The following KIAA1671 variants were observed in gnomAD, a reference collection of about 807,000 sequenced individuals.
KIAA1671 encodes KIAA1671.
A neutral mutation model predicts 131.2 loss-of-function variants in KIAA1671; 52 were observed. The observed-to-expected ratio is 0.40, with a 90% CI of 0.32 to 0.50. KIAA1671 has a LOEUF of 0.50. KIAA1671 is among the 20% of genes least tolerant of loss of function. The pLI, the probability that KIAA1671 is intolerant of heterozygous loss-of-function variation, is 0.73. For missense variants in KIAA1671, 2,360 were observed against 2,364.2 expected (o/e 1.00, Z 0.04); for synonymous variants, 1,003 against 961.6 (o/e 1.04, Z -0.80).
At chr22:25,030,880 G>A (rs1926250465) in intron 3 of KIAA1671, among the ~76,000 whole-genome samples, 1 of 152,192 alleles carries the variant, frequency 6.6e-6, no homozygotes, top group East Asian at 1.9e-4. Flanking sequence ...TCCCGGCCCT[G>A]GGAACCAGGA....
rs373071603 is a variant in KIAA1671 at position 25,015,833 on chromosome 22, G to A, written c.-207-9800G>A. On this transcript the variant is annotated intron_variant, in intron 1 of 12. Coordinates refer to ENST00000358431, the MANE Select transcript of KIAA1671 (RefSeq NM_001145206.2). Reference sequence around the variant, plus strand: ...CAGAGTCAGAAACACCAGATGTACCGCACTCTGATGGAATTTACACAGGAG... The same window carrying A: ...CAGAGTCAGAAACACCAGATGTACCACACTCTGATGGAATTTACACAGGAG... Among the ~76,000 whole-genome samples the A allele has an allele frequency of 1.5e-4, 18 of 121,968 alleles. No individual in the cohort carries two copies. In the South Asian group the frequency reaches 2.8e-3, roughly 19 times the overall value. The allele number at this position is 121,968 out of a possible 152,430, so 80.0% of individuals were successfully genotyped here. A position where few individuals can be genotyped will look rare whatever the true frequency, so the allele number is the denominator to read the frequency against.
chr22:25,021,656 T>C (rs1925675125), intron 1 of KIAA1671, among the ~76,000 whole-genome samples: 1 of 152,256 alleles, frequency 6.6e-6, no homozygotes, highest in African/African-American at 2.4e-5. Context: ...AGGATACAGA[T>C]GAGAGGATGC....
intron 6 of KIAA1671, among the ~76,000 whole-genome samples, chr22:25,095,257 T>C (rs76248603): frequency 0.018 from 2,683 of 152,298 alleles, 32 homozygotes; most frequent in Middle Eastern, 0.051. Flanking sequence ...GTGGTTCTTA[T>C]GAAAGGCAGG....
chr22:25,088,214 C>A (rs905080771), intron 6 of KIAA1671, among the ~76,000 whole-genome samples: 1 of 151,726 alleles, frequency 6.6e-6, no homozygotes, highest in African/African-American at 2.4e-5. Flanking sequence ...TTCAAGCGAT[C>A]CTCGTGCCTC....
chr22:25,062,639 C>T (rs767930340), intron 6 of KIAA1671: 7 of 152,504 alleles, frequency 4.6e-5, no homozygotes, highest in African/African-American at 9.7e-5. Context: ...GGACTTCAGG[C>T]TTTTCGACTG....
chr22:25,010,781 T>C (rs946893408), intron 1 of KIAA1671: 1 of 152,212 alleles, frequency 6.6e-6, no homozygotes, highest in Non-Finnish European at 1.5e-5. Flanking sequence ...ATGGGTATAT[T>C]TTATTATTTT....
chr22:25,055,532 G>A lies in KIAA1671; in HGVS notation c.4530+6168G>A, dbSNP rs1169535296. The A allele has an allele frequency of 1.7e-4, 26 of 149,684 alleles. 1 individual carries two copies. The highest frequency in any genetic ancestry group is 5.8e-4 in the African/African-American group (24 of 41,094). The allele number at this position is 149,684 out of a possible 1,614,324, so 9.3% of individuals were successfully genotyped here. A position where few individuals can be genotyped will look rare whatever the true frequency, so the allele number is the denominator to read the frequency against. On this transcript the variant is annotated intron_variant, in intron 6 of 12. Coordinates refer to ENST00000358431, the MANE Select transcript of KIAA1671 (RefSeq NM_001145206.2). Reference sequence around the variant, plus strand: ...AGGCCAGGAGTTCCAGACCAGCCTGGGCTGAACATAGTGAGACCCCTGTCT... The same window carrying A: ...AGGCCAGGAGTTCCAGACCAGCCTGAGCTGAACATAGTGAGACCCCTGTCT...
intron 1 of KIAA1671, among the ~76,000 whole-genome samples, chr22:24,976,912 G>C (rs988859845): frequency 6.7e-6 from 1 of 149,914 alleles, no homozygotes; most frequent in Non-Finnish European, 1.5e-5. Flanking sequence ...GGGGAGGATA[G>C]AGCAAAGCAG....
intron 10 of KIAA1671, among the ~76,000 whole-genome samples, chr22:25,183,308 C>T (rs1237306852): frequency 6.6e-6 from 1 of 152,112 alleles, no homozygotes; most frequent in East Asian, 1.9e-4. Flanking sequence ...ATTTCTTCCA[C>T]GAATAGAAAA....
intron 6 of KIAA1671, among the ~76,000 whole-genome samples, chr22:25,108,659 A>T (rs1347915635): frequency 6.6e-6 from 1 of 152,168 alleles, no homozygotes; most frequent in Admixed American, 6.5e-5. Context: ...ACTTCTGGAT[A>T]TATCAATGTA....
At chr22:25,117,930 G>A (rs1931759590) in intron 6 of KIAA1671, among the ~76,000 whole-genome samples, 1 of 151,894 alleles carries the variant, frequency 6.6e-6, no homozygotes, top group Non-Finnish European at 1.5e-5. Flanking sequence ...CCTGAGATCG[G>A]GAGTTCAAGA....
chr22:25,070,182 T>C (rs764328942), intron 6 of KIAA1671: 3 of 390,478 alleles, frequency 7.7e-6, no homozygotes, highest in Non-Finnish European at 1.4e-5. Flanking sequence ...GGCTTCTCAG[T>C]TCCCCAGGCA....
In KIAA1671 at chr22:25,039,673, C is replaced by T. The variant is rs899530836; in HGVS notation, c.2543C>T (p.Ser848Phe). 6.5e-7 allele frequency: 1 copy of T among 1,528,466 alleles called. No homozygotes were observed. The highest frequency in any genetic ancestry group is 8.8e-7 in the Non-Finnish European group (1 of 1,132,424). The allele number at this position is 1,528,466 out of a possible 1,614,324, so 94.7% of individuals were successfully genotyped here. A position where few individuals can be genotyped will look rare whatever the true frequency, so the allele number is the denominator to read the frequency against. The change falls in exon 5 of 13, where the codon TCC becomes TTC. Residue 848 changes from serine to phenylalanine, a missense_variant. Physicochemically the swap from Ser to Phe is radical, Grantham distance 155. Around this residue, in one of 3 missense-constraint regions of KIAA1671, gnomAD observed 1,185 missense variants for 1,126.2 expected, o/e 1.05. Transcript: ENST00000358431. Reference sequence around the variant, plus strand: ...GAGCACTGTGCTCCCGGGGCCACCTCCGTCAGGGCTATCAAGGCTGCCATC... The same window carrying T: ...GAGCACTGTGCTCCCGGGGCCACCTTCGTCAGGGCTATCAAGGCTGCCATC... ...SEEHCAPGAT[S>F]VRAIKAAIWE...
intron 6 of KIAA1671, among the ~76,000 whole-genome samples, chr22:25,091,382 GTGT>G (rs1568949856): frequency 6.6e-6 from 1 of 152,092 alleles, no homozygotes; most frequent in Non-Finnish European, 1.5e-5. Flanking sequence ...TCAAGCAAAG[GTGT>G]TGTTTGTTTG....
chr22:25,074,371 G>C (rs1041187853), intron 6 of KIAA1671, among the ~76,000 whole-genome samples: 3 of 151,316 alleles, frequency 2.0e-5, no homozygotes, highest in Admixed American at 1.3e-4. Context: ...TGGGCATGGT[G>C]GTGTGTGCCT....
intron 1 of KIAA1671, among the ~76,000 whole-genome samples, chr22:25,000,592 C>T (rs1924408247): frequency 6.7e-6 from 1 of 150,358 alleles, no homozygotes. Flanking sequence ...TCTTGGCTCA[C>T]TGCAACCTCT....
At chr22:25,019,622 GT>G (rs1925549223) in intron 1 of KIAA1671, among the ~76,000 whole-genome samples, 1 of 147,314 alleles carries the variant, frequency 6.8e-6, no homozygotes, top group Non-Finnish European at 1.5e-5. Context: ...CATTGTCCCT[GT>G]TCTCTTCCAG....
At chr22:25,071,492 A>G (rs1447152032) in intron 6 of KIAA1671, among the ~76,000 whole-genome samples, 1 of 152,226 alleles carries the variant, frequency 6.6e-6, no homozygotes, top group Non-Finnish European at 1.5e-5. Flanking sequence ...AATAAATGTA[A>G]GGCAACATTG....
At position 25,129,911 on chromosome 22, in the gene KIAA1671, A is replaced by C. The variant is rs59702198; in HGVS notation, c.4531-40909A>C. On this transcript the variant is annotated intron_variant, in intron 6 of 12. Coordinates refer to ENST00000358431, the MANE Select transcript of KIAA1671 (RefSeq NM_001145206.2). ...ACATCTGTTGACGTATACAATGCTC[A>C]TAGAACAGTGCCTGGCACATAGTTG... 1.4e-3 allele frequency among the ~76,000 whole-genome samples: 213 copies of C among 152,296 alleles called. 1 individual carries two copies. Among genetic ancestry groups the C allele is most frequent in the African/African-American group, 4.6e-3 (193 of 41,574 alleles).
Sources: allele counts gnomAD v4.1 joint callset (sites outside exome capture counted in the v4.1 genomes callset), GRCh38; gene constraint gnomAD v4.1.1; regional missense constraint gnomAD v4.1.1; transcripts MANE v1.5; gene names NCBI Gene and HGNC (gene_info 2026-07-23, HGNC 2026-07-21).